Variants in GAS7 observed in about 807,000 individuals in gnomAD.
The protein encoded by GAS7 is growth arrest specific 7, also known as growth arrest-specific protein 7.
GAS7 carries 28 observed loss-of-function variants against 71.1 expected under a neutral mutation model. The ratio of observed to expected loss-of-function variants is 0.39; its 90% CI spans 0.29 to 0.54. GAS7 has a LOEUF of 0.54. GAS7 is among the 20% of genes least tolerant of loss of function. GAS7 has a pLI of 0.62. For synonymous variants in GAS7, 258 were observed against 245.8 expected (o/e 1.05, Z -0.46); for missense variants, 436 against 627.8 (o/e 0.69, Z 3.27).
intron 1 of GAS7, among the ~76,000 whole-genome samples, chr17:10,121,661 T>C (rs182138970): frequency 5.9e-5 from 9 of 152,330 alleles, no homozygotes. Context: ...TCGACAGATC[T>C]GTTTTTAAAA....
rs2074048047 is a variant in GAS7 at position 10,137,494 on chromosome 17, G to C, written c.183+60714C>G. Among the ~76,000 whole-genome samples the C allele has an allele frequency of 2.0e-5, 3 of 151,646 alleles. No individual in the cohort carries two copies. The South Asian group carries it at 6.3e-4, about 32-fold the overall frequency. ...CAGGGAATTTGCCTACTTTGTAACT[G>C]CTGTATTCCCTGTGTCTAGAACAAT... On this transcript the variant is annotated intron_variant, in intron 1 of 13. Transcript: ENST00000432992.
chr17:10,115,790 G>A (rs1411461977), intron 1 of GAS7, among the ~76,000 whole-genome samples: 1 of 151,856 alleles, frequency 6.6e-6, no homozygotes, highest in Non-Finnish European at 1.5e-5. Context: ...CCTTAAAACC[G>A]TGCCCCACTC....
chr17:9,981,870 G>C lies in GAS7; in HGVS notation c.319C>G (p.Arg107Gly). Reference protein sequence around the residue: ...NTTTNETTWERPSSSPGIPAS... With the variant: ...NTTTNETTWEGPSSSPGIPAS... ...GGAATCCCAGGAGAACTGCTGGGAC[G>C]TTCCCAGGTGGTCTCTGGTGAAAGA... The change falls in exon 3 of 14, where the codon CGT (arginine) becomes GGT (glycine). Residue 107 changes from arginine (R) to glycine (G), a missense_variant. Physicochemically the swap from Arg to Gly is moderately radical, Grantham distance 125 (BLOSUM62 -2). Transcript: ENST00000432992. This position sits in a 1 kb window ranked among gnomAD's most constrained non-coding sequence, Gnocchi z 4.4. The C allele has an allele frequency of 6.3e-7, 1 of 1,586,706 alleles. No individual in the cohort carries two copies. Among genetic ancestry groups the C allele is most frequent in the Non-Finnish European group, 8.7e-7 (1 of 1,155,034 alleles).
intron 1 of GAS7, among the ~76,000 whole-genome samples, chr17:10,036,247 C>A (rs556504053): frequency 6.6e-6 from 1 of 151,692 alleles, no homozygotes; most frequent in Admixed American, 6.5e-5. Context: ...TTCCTCCCTG[C>A]TCATGCCTTG....
intron 1 of GAS7, among the ~76,000 whole-genome samples, chr17:10,033,472 C>T (rs1241969529): frequency 6.6e-6 from 1 of 152,176 alleles, no homozygotes; most frequent in African/African-American, 2.4e-5. Context: ...ACCAAGCGTC[C>T]TATTGCATTC....
intron 1 of GAS7, among the ~76,000 whole-genome samples, chr17:10,082,001 C>T (rs1262634696): frequency 6.6e-6 from 1 of 152,116 alleles, no homozygotes; most frequent in East Asian, 1.9e-4. Flanking sequence ...AAGTGTCCAC[C>T]AATGGAGATA....
chr17:10,105,105 T>G (rs1156477497), intron 1 of GAS7, among the ~76,000 whole-genome samples: 1 of 152,244 alleles, frequency 6.6e-6, no homozygotes, highest in East Asian at 1.9e-4. Context: ...CAGGAGACTC[T>G]GGCCACATAC....
At chr17:10,196,652 A>T (rs949873980) in intron 1 of GAS7, among the ~76,000 whole-genome samples, 5 of 152,160 alleles carry the variant, frequency 3.3e-5, no homozygotes, top group African/African-American at 1.2e-4. Flanking sequence ...CACAAAACAC[A>T]GCTGGCTCAG....
intron 1 of GAS7, among the ~76,000 whole-genome samples, chr17:10,171,227 G>A (rs749004421): frequency 1.4e-4 from 21 of 152,122 alleles, no homozygotes; most frequent in African/African-American, 4.1e-4. Flanking sequence ...AATTTCCTCC[G>A]GGCAAGCTTT....
intron 1 of GAS7, among the ~76,000 whole-genome samples, chr17:10,136,530 A>G (rs886118966): frequency 6.6e-6 from 1 of 152,150 alleles, no homozygotes; most frequent in Non-Finnish European, 1.5e-5. Context: ...GAGATCTTCA[A>G]TGCACTGCAA....
rs577721859 is a variant in GAS7 at position 9,957,124 on chromosome 17, C to T, written c.525+2078G>A. Among the ~76,000 whole-genome samples the T allele has an allele frequency of 2.0e-5, 3 of 151,674 alleles. No homozygotes were observed. In the South Asian group the frequency reaches 6.2e-4, roughly 32 times the overall value. ...TCGCTCCTTTGCTCAGTTTCTCTGG[C>T]AAAAAAATTCTCCAAGGCATGAGTG... On this transcript the variant is annotated intron_variant, in intron 5 of 13. Coordinates refer to ENST00000432992, the MANE Select transcript of GAS7 (RefSeq NM_201433.2).
intron 1 of GAS7, among the ~76,000 whole-genome samples, chr17:10,122,762 C>CT (rs1055519496): frequency 4.7e-4 from 72 of 151,988 alleles, no homozygotes; most frequent in African/African-American, 1.6e-3. Flanking sequence ...AGCTGAAGAT[C>CT]TTTTTTTTAA....
At position 9,974,082 on chromosome 17, in the gene GAS7, A is replaced by AT. The variant is rs1351267707; in HGVS notation, c.386-4321dup. Among the ~76,000 whole-genome samples the AT allele has an allele frequency of 1.1e-4, 16 of 152,106 alleles. No individual in the cohort carries two copies. The highest frequency in any genetic ancestry group is 1.0e-3 in the Admixed American group (16 of 15,264). ...GCCAGGAACTGTCTAAAGAGGAGAC[A>AT]TTTTGCCCCTAATCCAATCCCTTGT... On this transcript the variant is annotated intron_variant, in intron 3 of 13. Transcript: ENST00000432992. This position sits in a 1 kb window ranked among gnomAD's most constrained non-coding sequence, Gnocchi z 4.0.
rs1034284771 is a variant in GAS7, at chr17:10,082,360, A to G, written c.184-62463T>C. On this transcript the variant is annotated intron_variant, in intron 1 of 13. Transcript: ENST00000432992. The stretch of plus-strand genomic sequence containing the variant: ...GTTATTTCTGACTGACATGTGGCCA[A>G]TGTTAATACTTGTCAAATCCAGAGA... Among the ~76,000 whole-genome samples, 22 of 152,326 alleles carry G rather than the reference A, an allele frequency of 1.4e-4. No individual in the cohort carries two copies. In the South Asian group the frequency reaches 2.5e-3, roughly 17 times the overall value.
intron 2 of GAS7, among the ~76,000 whole-genome samples, chr17:10,006,923 G>C (rs9915662): frequency 0.25 from 37,663 of 152,062 alleles, 7,335 homozygotes; most frequent in African/African-American, 0.55. Context: ...TGAGTTGTTT[G>C]TCTTCAATAG....
At position 10,198,295 on chromosome 17, in the gene GAS7, C is replaced by A. The variant is rs750161776; in HGVS notation, c.96G>T (p.Leu32=). ...CCCACCAGCCGCCGTCCGGGACCTG[C>A]AGCAGCGTGATCAGCTCGCCCGCGG... The part of the protein sequence containing the change: ...RFAAGELITL[L]QVPDGGWWEG... The change falls in exon 1 of 14, where the codon CTG becomes CTT. Residue 32 remains leucine (L), a synonymous_variant. Coordinates refer to ENST00000432992, the MANE Select transcript of GAS7 (RefSeq NM_201433.2). 9.7e-5 allele frequency: 156 copies of A among 1,604,742 alleles called. 2 individuals are homozygous for A. In the East Asian group the frequency reaches 3.1e-3, roughly 32 times the overall value.
intron 1 of GAS7, among the ~76,000 whole-genome samples, chr17:10,031,425 CG>C (rs1567557290): frequency 6.6e-6 from 1 of 152,144 alleles, no homozygotes; most frequent in Non-Finnish European, 1.5e-5. Context: ...ATGGAGTCTC[CG>C]GGGGGACAAG....
chr17:9,941,342 C>T (rs768296862), intron 7 of GAS7, among the ~76,000 whole-genome samples: 8 of 152,200 alleles, frequency 5.3e-5, no homozygotes, highest in East Asian at 1.9e-4. Flanking sequence ...ATCCATGCCA[C>T]GCTCCCGGCT....
At chr17:10,164,869 C>T (rs1479675106) in intron 1 of GAS7, among the ~76,000 whole-genome samples, 1 of 114,728 alleles carries the variant, frequency 8.7e-6, no homozygotes, top group Non-Finnish European at 2.0e-5. Context: ...AAAAAAAAGG[C>T]TGGGCGCAGT....
Sources: gnomAD v4.1 joint callset for allele counts (sites outside exome capture counted in the v4.1 genomes callset) on GRCh38, gnomAD v4.1.1 for gene constraint, Gnocchi (gnomAD v3.1) non-coding constraint, MANE v1.5 for transcripts, NCBI Gene and HGNC (gene_info 2026-07-23, HGNC 2026-07-21) for gene names.